The following LINGO2 variants were observed in gnomAD, a reference collection of about 807,000 sequenced individuals.
LINGO2 encodes leucine-rich repeat and immunoglobulin-like domain-containing nogo receptor-interacting protein 2.
Under a neutral mutation model 30.6 loss-of-function variants are expected in LINGO2, and 14 were observed. That is an observed-to-expected ratio of 0.46 (90% CI 0.30 to 0.72). LINGO2 has a LOEUF of 0.72. Ranked by LOEUF, LINGO2 falls within the 30% of genes least tolerant of loss-of-function variation. The pLI, the probability that LINGO2 is intolerant of heterozygous loss-of-function variation, is 0.07. For synonymous variants in LINGO2, 317 were observed against 288.5 expected, an observed-to-expected ratio of 1.10 and a Z score of -1.00; for missense variants, 729 against 751.7, an observed-to-expected ratio of 0.97 and a Z score of 0.35.
At chr9:29,041,698 T>C in the LINGO2 span, among the ~76,000 whole-genome samples, 1 of 152,054 alleles carries the variant, frequency 6.6e-6, no homozygotes, top group Non-Finnish European at 1.5e-5. Flanking sequence ...AAGCTATACA[T>C]GTTTTAGCAA....
chr9:28,497,295 C>A (rs1015111560), intron 1 of LINGO2, among the ~76,000 whole-genome samples: 1 of 152,188 alleles, frequency 6.6e-6, no homozygotes, highest in African/African-American at 2.4e-5. Flanking sequence ...TTCAGGTACA[C>A]CAATCAGACA....
chr9:29,021,973 A>G, the LINGO2 span, among the ~76,000 whole-genome samples: 1 of 152,134 alleles, frequency 6.6e-6, no homozygotes, highest in South Asian at 2.1e-4. Flanking sequence ...GGTTAAAATA[A>G]CATTTCTTAT....
intron 4 of LINGO2, among the ~76,000 whole-genome samples, chr9:28,237,760 C>A (rs956551774): frequency 6.6e-6 from 1 of 151,968 alleles, no homozygotes; most frequent in Admixed American, 6.6e-5. Context: ...GAGGTTGAAG[C>A]AGAGAATTGC....
chr9:28,569,844 A>G (rs1823584707), intron 1 of LINGO2, among the ~76,000 whole-genome samples: 1 of 152,018 alleles, frequency 6.6e-6, no homozygotes, highest in Non-Finnish European at 1.5e-5. Flanking sequence ...AATAAGCTTG[A>G]TTGTGGTAAT....
intron 4 of LINGO2, among the ~76,000 whole-genome samples, chr9:28,291,254 C>T (rs1444577576): frequency 6.6e-6 from 1 of 152,122 alleles, no homozygotes; most frequent in Non-Finnish European, 1.5e-5. Context: ...ATCCAAAATA[C>T]AGATTTTCAG....
the LINGO2 span, among the ~76,000 whole-genome samples, chr9:28,926,725 C>T: frequency 6.6e-6 from 1 of 152,172 alleles, no homozygotes; most frequent in Non-Finnish European, 1.5e-5. Context: ...CTACTTCATG[C>T]TCTATTTAAC....
At chr9:28,710,883 C>G in the LINGO2 span, among the ~76,000 whole-genome samples, 2 of 151,980 alleles carry the variant, frequency 1.3e-5, no homozygotes, top group Admixed American at 6.6e-5. Flanking sequence ...TAAAGAAAAA[C>G]AGAGTGGGTA....
intron 4 of LINGO2, among the ~76,000 whole-genome samples, chr9:28,038,816 A>G (rs1308741505): frequency 6.6e-6 from 1 of 152,220 alleles, no homozygotes; most frequent in African/African-American, 2.4e-5. Context: ...CTTTGCATGT[A>G]TTTTTCAGAT....
chr9:29,063,073 A>T, the LINGO2 span, among the ~76,000 whole-genome samples: 6 of 152,242 alleles, frequency 3.9e-5, no homozygotes, highest in Admixed American at 2.6e-4. Flanking sequence ...CTATGAGGGG[A>T]AACAATTGAT....
chr9:28,478,298 C>T (rs1825802150), intron 1 of LINGO2, among the ~76,000 whole-genome samples: 1 of 152,094 alleles, frequency 6.6e-6, no homozygotes, highest in Non-Finnish European at 1.5e-5. Flanking sequence ...AATCATTCTA[C>T]TAAAATATAT....
the LINGO2 span, among the ~76,000 whole-genome samples, chr9:28,699,042 A>AAAAACAAAACAAAAC: frequency 0.01 from 1,551 of 149,978 alleles, 14 homozygotes; most frequent in African/African-American, 0.022. Context: ...ACCCTGCCTC[A>AAAAACAAAACAAAAC]AAAACAAAAC....
intron 2 of LINGO2, among the ~76,000 whole-genome samples, chr9:28,388,071 A>G (rs1418704721): frequency 6.6e-6 from 1 of 152,162 alleles, no homozygotes; most frequent in African/African-American, 2.4e-5. Context: ...CAAAGGTATA[A>G]AATAAACATA....
At chr9:28,142,809 G>A (rs1449547697) in intron 4 of LINGO2, among the ~76,000 whole-genome samples, 1 of 152,120 alleles carries the variant, frequency 6.6e-6, no homozygotes, top group Non-Finnish European at 1.5e-5. Flanking sequence ...TGTTTGCCAA[G>A]TAAACCTCTA....
intron 4 of LINGO2, among the ~76,000 whole-genome samples, chr9:28,184,994 C>T (rs1819492596): frequency 6.6e-6 from 1 of 152,060 alleles, no homozygotes; most frequent in Non-Finnish European, 1.5e-5. Context: ...AACTTCAGAG[C>T]AACAAGAAAC....
At chr9:28,244,801 CAGTAATAGTATGCCAACCA>C (rs922523842) in intron 4 of LINGO2, among the ~76,000 whole-genome samples, 1 of 135,704 alleles carries the variant, frequency 7.4e-6, no homozygotes, top group African/African-American at 2.9e-5. Context: ...GAAATTGAGG[CAGTAATAGTATGCCAACCA>C]AAAAAAAAAA....
At chr9:28,976,285 CCCT>C in the LINGO2 span, among the ~76,000 whole-genome samples, 2 of 152,106 alleles carry the variant, frequency 1.3e-5, no homozygotes, top group African/African-American at 4.8e-5. Context: ...CAACATAGAA[CCCT>C]AGACAGTGAT....
chr9:28,494,020 T>C (rs1316642681), intron 1 of LINGO2, among the ~76,000 whole-genome samples: 1 of 152,148 alleles, frequency 6.6e-6, no homozygotes, highest in Non-Finnish European at 1.5e-5. Flanking sequence ...GACTCCCCTT[T>C]ATATATACAT....
intron 3 of LINGO2, among the ~76,000 whole-genome samples, chr9:28,309,915 A>G (rs1824543167): frequency 1.3e-5 from 2 of 152,254 alleles, no homozygotes; most frequent in African/African-American, 2.4e-5. Flanking sequence ...ATGATGCTCA[A>G]TGTGATTAGT....
At chr9:28,259,661 A>G (rs541717307) in intron 4 of LINGO2, among the ~76,000 whole-genome samples, 1 of 152,072 alleles carries the variant, frequency 6.6e-6, no homozygotes, top group South Asian at 2.1e-4. Flanking sequence ...TCCTCATGTT[A>G]AAAGGAGACC....
Sources: allele counts gnomAD v4.1 joint callset (sites outside exome capture counted in the v4.1 genomes callset), GRCh38; gene constraint gnomAD v4.1.1; transcripts MANE v1.5; gene names NCBI Gene and HGNC (gene_info 2026-07-23, HGNC 2026-07-21).